GNA12: variants seen among roughly 807,000 people sequenced by gnomAD.
The protein encoded by GNA12 is G protein subunit alpha 12.
In GNA12, 9 loss-of-function variants were observed where a neutral mutation model predicts 26.0. The observed-to-expected ratio is 0.35, with a 90% CI of 0.21 to 0.60. GNA12 has a LOEUF of 0.60. GNA12 is among the 20% of genes least tolerant of loss of function. GNA12 has a pLI of 0.78. For missense variants in GNA12, 405 were observed against 525.8 expected, an observed-to-expected ratio of 0.77 and a Z score of 2.25; for synonymous variants, 264 against 219.6, an observed-to-expected ratio of 1.20 and a Z score of -1.79.
At chr7:2,770,634 TCAACAACAATAA>T (rs1167974123) in intron 2 of GNA12, among the ~76,000 whole-genome samples, 1 of 135,098 alleles carries the variant, frequency 7.4e-6, no homozygotes. Context: ...AGACTCCATC[TCAACAACAATAA>T]CAACAACAAA....
At chr7:2,736,108 A>T (rs1417790833) in intron 2 of GNA12, among the ~76,000 whole-genome samples, 1 of 152,242 alleles carries the variant, frequency 6.6e-6, no homozygotes, top group African/African-American at 2.4e-5. Context: ...CCAGGTTTAC[A>T]ATCCCATGCA....
At chr7:2,820,528 A>G (rs1214177873) in intron 1 of GNA12, among the ~76,000 whole-genome samples, 1 of 151,560 alleles carries the variant, frequency 6.6e-6, no homozygotes, top group Non-Finnish European at 1.5e-5. Flanking sequence ...ACCTATCGCT[A>G]CAAAAAAATA....
intron 1 of GNA12, 143 bp downstream of exon 1, chr7:2,843,710 G>C: frequency 2.3e-6 from 1 of 434,846 alleles, no homozygotes; most frequent in Non-Finnish European, 4.1e-6. Context: ...GGGTCGGGGG[G>C]GAGTGGGGTG....
chr7:2,823,214 C>T (rs1019286721), intron 1 of GNA12, among the ~76,000 whole-genome samples: 9 of 152,198 alleles, frequency 5.9e-5, no homozygotes, highest in African/African-American at 1.9e-4. Flanking sequence ...CTGAAGAACC[C>T]TTCTGTCTGC....
intron 2 of GNA12, among the ~76,000 whole-genome samples, chr7:2,737,757 G>C (rs1790281725): frequency 6.6e-6 from 1 of 152,170 alleles, no homozygotes; most frequent in Non-Finnish European, 1.5e-5. Context: ...AAACTGCTGT[G>C]TATGAAAAGT....
At chr7:2,760,120 T>C (rs1386036758) in intron 2 of GNA12, among the ~76,000 whole-genome samples, 1 of 152,240 alleles carries the variant, frequency 6.6e-6, no homozygotes, top group African/African-American at 2.4e-5. Context: ...AGCTTGGATG[T>C]GTGGACAAAG....
chr7:2,811,419 C>T (rs905366872), intron 1 of GNA12, among the ~76,000 whole-genome samples: 1 of 152,324 alleles, frequency 6.6e-6, no homozygotes, highest in East Asian at 1.9e-4. Flanking sequence ...GCAGAGAAAG[C>T]CCAGAACAAC....
Position 2,759,825 on chromosome 7 carries a change from C to A in GNA12, c.526-26324G>T, listed in dbSNP as rs111940895. Among the ~76,000 whole-genome samples, 548 of 152,316 alleles carry A rather than the reference C, an allele frequency of 3.6e-3. 6 individuals carry two copies. Among genetic ancestry groups the A allele is most frequent in the Non-Finnish European group, 4.3e-3 (292 of 68,022 alleles). Reference sequence around the variant, plus strand: ...GGCCGCTCCCTCCAGGCAGTTTCTGCAACGGGTGCAGATGCCGTCCAATGC... The same window carrying A: ...GGCCGCTCCCTCCAGGCAGTTTCTGAAACGGGTGCAGATGCCGTCCAATGC... On this transcript the variant is annotated intron_variant, in intron 2 of 3. Transcript: ENST00000275364.
At chr7:2,781,844 C>T (rs1477585096) in intron 2 of GNA12, among the ~76,000 whole-genome samples, 1 of 152,076 alleles carries the variant, frequency 6.6e-6, no homozygotes, top group African/African-American at 2.4e-5. Context: ...CAAGGGAACG[C>T]AAATCAAAAC....
chr7:2,794,982 G>A lies in GNA12; in HGVS notation c.471C>T (p.Leu157=), dbSNP rs771794152. The A allele has an allele frequency of 3.1e-6, 5 of 1,614,094 alleles. No individual in the cohort carries two copies. Among genetic ancestry groups the A allele is most frequent in the Non-Finnish European group, 4.2e-6 (5 of 1,180,046 alleles). Residue 157 remains leucine, a synonymous_variant, in exon 2 of 4, where the codon CTC becomes CTT. Coordinates refer to ENST00000275364, the MANE Select transcript of GNA12 (RefSeq NM_007353.3). The part of the protein sequence containing the change: ...FQLYVPALSA[L]WRDSGIREAF... ...CCTCCCTGATGCCAGAATCCCTCCA[G>A]AGTGCGCTCAGGGCCGGGACGTACA... is the stretch of plus-strand genomic sequence containing the variant.
rs564955841 is a variant in GNA12, at chr7:2,735,449, C to A, written c.526-1948G>T. ...GCTCTTATCACCACAGGACACAAAG[C>A]CCTGGACACACGTGCTCCGCCCAGA... On this transcript the variant is annotated intron_variant, in intron 2 of 3. Coordinates refer to ENST00000275364, the MANE Select transcript of GNA12 (RefSeq NM_007353.3). 3.4e-5 allele frequency among the ~76,000 whole-genome samples: 5 copies of A among 146,906 alleles called. No individual in the cohort carries two copies. The South Asian group carries it at 8.6e-4, about 25-fold the overall frequency.
At chr7:2,768,956 C>T (rs966083993) in intron 2 of GNA12, among the ~76,000 whole-genome samples, 19 of 152,148 alleles carry the variant, frequency 1.2e-4, no homozygotes, top group Admixed American at 5.9e-4. Context: ...GATGGAGTCT[C>T]GCTCCGTTGT....
At chr7:2,811,642 T>A (rs1793084290) in intron 1 of GNA12, among the ~76,000 whole-genome samples, 1 of 152,192 alleles carries the variant, frequency 6.6e-6, no homozygotes. Flanking sequence ...AAAGAACGAT[T>A]GCAAAACCAG....
intron 2 of GNA12, among the ~76,000 whole-genome samples, chr7:2,744,437 AAC>A (rs1790668173): frequency 6.6e-6 from 1 of 152,256 alleles, no homozygotes; most frequent in Non-Finnish European, 1.5e-5. Context: ...AGCAAACTCC[AAC>A]AGACCTGCAG....
At chr7:2,810,090 A>G (rs1793043197) in intron 1 of GNA12, among the ~76,000 whole-genome samples, 1 of 152,208 alleles carries the variant, frequency 6.6e-6, no homozygotes, top group South Asian at 2.1e-4. Context: ...ACGCAGCTGA[A>G]TATTTCAGGT....
chr7:2,760,186 G>A (rs532733107), intron 2 of GNA12, among the ~76,000 whole-genome samples: 3 of 152,350 alleles, frequency 2.0e-5, no homozygotes, highest in Non-Finnish European at 4.4e-5. Flanking sequence ...GCCTGGGGAA[G>A]GAGTGGAGAT....
intron 2 of GNA12, among the ~76,000 whole-genome samples, chr7:2,759,093 T>C (rs1341337002): frequency 6.6e-6 from 1 of 150,696 alleles, no homozygotes; most frequent in Non-Finnish European, 1.5e-5. Context: ...TGAGCCGAGA[T>C]TACACCATTG....
At chr7:2,750,523 A>G (rs1209943392) in intron 2 of GNA12, among the ~76,000 whole-genome samples, 4 of 152,214 alleles carry the variant, frequency 2.6e-5, no homozygotes, top group African/African-American at 9.7e-5. Context: ...AGTTTAATTG[A>G]TAAGTTAGGC....
chr7:2,816,849 G>A (rs144611115), intron 1 of GNA12, among the ~76,000 whole-genome samples: 30 of 152,296 alleles, frequency 2.0e-4, no homozygotes, highest in Middle Eastern at 3.4e-3. Flanking sequence ...AGAAAACTCA[G>A]GCTAGAGAAA....
Sources: allele counts gnomAD v4.1 joint callset (sites outside exome capture counted in the v4.1 genomes callset), GRCh38; gene constraint gnomAD v4.1.1; transcripts MANE v1.5; gene names NCBI Gene and HGNC (gene_info 2026-07-23, HGNC 2026-07-21).